TGFB2: variants seen among roughly 807,000 people sequenced by gnomAD.
TGFB2 encodes the protein transforming growth factor beta-2 proprotein.
A neutral mutation model predicts 42.7 loss-of-function variants in TGFB2; 13 were observed. That is an observed-to-expected ratio of 0.30 (90% CI 0.20 to 0.48). TGFB2 has a LOEUF of 0.48. TGFB2 is among the 20% of genes least tolerant of loss of function. TGFB2 has a pLI of 0.99. For synonymous variants in TGFB2, 193 were observed against 193.6 expected (o/e 1.00, Z 0.03); for missense variants, 390 against 517.5 (o/e 0.75, Z 2.39).
chr1:218,423,372 G>A (rs776040288), intron 2 of TGFB2, among the ~76,000 whole-genome samples: 16 of 152,114 alleles, frequency 1.1e-4, no homozygotes, highest in South Asian at 2.1e-4. Flanking sequence ...GCCACTATGC[G>A]CAAGGGACCA....
chr1:218,356,826 G>A (rs191736276), intron 1 of TGFB2, among the ~76,000 whole-genome samples: 109 of 152,250 alleles, frequency 7.2e-4, no homozygotes, highest in African/African-American at 2.5e-3. Context: ...TCTCACCTCC[G>A]CAACCAAGCA....
In TGFB2 at chr1:218,363,546, G is replaced by A. The variant is rs756160785; in HGVS notation, c.346+16499G>A. 4.6e-6 allele frequency: 4 copies of A among 871,900 alleles called. No individual in the cohort carries two copies. In the South Asian group the frequency reaches 5.2e-5, roughly 11 times the overall value. The allele number at this position is 871,900 out of a possible 1,614,324, so 54.0% of individuals were successfully genotyped here. A position where few individuals can be genotyped will look rare whatever the true frequency, so the allele number is the denominator to read the frequency against. Reference sequence around the variant, plus strand: ...CTGAAATGCAGCCTTGTACCTGAGCGATCACAAAGGTGCCTAGAATTTTTT... The same window carrying A: ...CTGAAATGCAGCCTTGTACCTGAGCAATCACAAAGGTGCCTAGAATTTTTT... On this transcript the variant is annotated intron_variant, in intron 1 of 6. Transcript: ENST00000366930.
chr1:218,416,290 T>A (rs1484155764), intron 2 of TGFB2, among the ~76,000 whole-genome samples: 2 of 150,188 alleles, frequency 1.3e-5, no homozygotes, highest in Non-Finnish European at 3.0e-5. Context: ...TTAATAAGGT[T>A]CCTTTTTTTT....
chr1:218,361,704 G>A (rs1657216729), intron 1 of TGFB2, among the ~76,000 whole-genome samples: 1 of 152,210 alleles, frequency 6.6e-6, no homozygotes, highest in African/African-American at 2.4e-5. Flanking sequence ...TTAAAGGTCA[G>A]ATACGAATGA....
intron 1 of TGFB2, among the ~76,000 whole-genome samples, chr1:218,379,359 C>T (rs1657878357): frequency 6.6e-6 from 1 of 151,904 alleles, no homozygotes; most frequent in Non-Finnish European, 1.5e-5. Flanking sequence ...TGGCCTCGAT[C>T]TCCTGACCTC....
intron 6 of TGFB2, among the ~76,000 whole-genome samples, chr1:218,440,604 T>G (rs1263590094): frequency 6.6e-6 from 1 of 152,230 alleles, no homozygotes; most frequent in African/African-American, 2.4e-5. Context: ...CAAAGGTAGA[T>G]TAAAGCTCTT....
At chr1:218,377,771 G>C (rs73110335) in intron 1 of TGFB2, among the ~76,000 whole-genome samples, 5,451 of 151,968 alleles carry the variant, frequency 0.036, 341 homozygotes, top group African/African-American at 0.12. Context: ...GCAGAAGCAG[G>C]ACAGATGCTT....
chr1:218,416,374 T>G (rs1659280583), intron 2 of TGFB2, among the ~76,000 whole-genome samples: 1 of 152,012 alleles, frequency 6.6e-6, no homozygotes, highest in Non-Finnish European at 1.5e-5. Context: ...CAAGGGAGCA[T>G]GCATGTTTTT....
chr1:218,440,404 G>C (rs189657933), intron 6 of TGFB2, among the ~76,000 whole-genome samples: 31 of 150,954 alleles, frequency 2.1e-4, no homozygotes, highest in Admixed American at 1.1e-3. Context: ...GACACTTAAC[G>C]TAGAAAGATT....
chr1:218,429,728 A>G (rs1300585404), intron 2 of TGFB2, among the ~76,000 whole-genome samples: 1 of 152,210 alleles, frequency 6.6e-6, no homozygotes, highest in African/African-American at 2.4e-5. Flanking sequence ...AGACTTTCCA[A>G]GACAGTCAAC....
chr1:218,368,226 C>T (rs1257399201), intron 1 of TGFB2, among the ~76,000 whole-genome samples: 1 of 152,132 alleles, frequency 6.6e-6, no homozygotes, highest in East Asian at 1.9e-4. Flanking sequence ...CTCACTGCGA[C>T]CTCCACCACC....
chr1:218,434,445 G>T lies in TGFB2; in HGVS notation c.751G>T (p.Ala251Ser), dbSNP rs769911912. Reference sequence around the variant, plus strand: ...AAGTGAAGAACTAGAAGCAAGATTTGCAGGTAACCAAAACTTGGTCATATG... The same window carrying T: ...AAGTGAAGAACTAGAAGCAAGATTTTCAGGTAACCAAAACTTGGTCATATG... ...NKSEELEARF[A>S]GIDGTSTYTS... The change falls in exon 4 of 7, where the codon GCA becomes TCA. Residue 251 changes from alanine (A) to serine (S), a missense_variant. Coordinates refer to ENST00000366930, the MANE Select transcript of TGFB2 (RefSeq NM_003238.6). 6.8e-6 allele frequency: 11 copies of T among 1,607,584 alleles called. No homozygotes were observed. In the South Asian group the frequency reaches 7.7e-5, roughly 11 times the overall value.
At chr1:218,422,671 C>A (rs777374460) in intron 2 of TGFB2, among the ~76,000 whole-genome samples, 9 of 152,086 alleles carry the variant, frequency 5.9e-5, no homozygotes, top group Admixed American at 5.2e-4. Flanking sequence ...GGATAGATGC[C>A]CTGCCTGTAA....
chr1:218,420,012 A>T (rs1162339206), intron 2 of TGFB2, among the ~76,000 whole-genome samples: 1 of 152,214 alleles, frequency 6.6e-6, no homozygotes, highest in Non-Finnish European at 1.5e-5. Context: ...TACAGGCCAC[A>T]TATGTTATAG....
chr1:218,436,679 T>A (rs1659981706), intron 5 of TGFB2, among the ~76,000 whole-genome samples: 1 of 152,224 alleles, frequency 6.6e-6, no homozygotes, highest in African/African-American at 2.4e-5. Flanking sequence ...ATGTGAATGT[T>A]CTTATGTGGT....
Position 218,346,956 on chromosome 1 carries a change from G to A in TGFB2, c.255G>A (p.Arg85=). 2 of 1,613,986 alleles carry A rather than the reference G, an allele frequency of 1.2e-6. No individual in the cohort carries two copies. The highest frequency in any genetic ancestry group is 1.7e-6 in the Non-Finnish European group (2 of 1,179,936). Residue 85 remains arginine (R), a synonymous_variant, in exon 1 of 7, where the codon AGG becomes AGA. Coordinates refer to ENST00000366930, the MANE Select transcript of TGFB2 (RefSeq NM_003238.6). This position sits in a 1 kb window ranked among gnomAD's most constrained non-coding sequence, Gnocchi z 4.9. ...TGCTCCAGGAGAAGGCGAGCCGGAG[G>A]GCGGCCGCCTGCGAGCGCGAGAGGA... ...RDLLQEKASR[R]AAACERERSD... is the part of the protein sequence containing the mutation.
Position 218,425,276 on chromosome 1 carries a change from C to T in TGFB2, c.511-8806C>T, listed in dbSNP as rs141455802. ...AGGCTGGAGTGCAGTGGTGTGTTCTCGGCTCACCACAAGCTCCGTCTCCTG... is the reference window on the plus strand; with the variant it reads ...AGGCTGGAGTGCAGTGGTGTGTTCTTGGCTCACCACAAGCTCCGTCTCCTG... On this transcript the variant is annotated intron_variant, in intron 2 of 6. Transcript: ENST00000366930. 4.7e-3 allele frequency among the ~76,000 whole-genome samples: 710 copies of T among 152,184 alleles called. 12 individuals carry two copies. Among genetic ancestry groups the T allele is most frequent in the African/African-American group, 0.016 (681 of 41,520 alleles).
intron 1 of TGFB2, among the ~76,000 whole-genome samples, chr1:218,347,656 T>TAGC (rs1360913402): frequency 1.3e-5 from 2 of 152,186 alleles, no homozygotes; most frequent in East Asian, 3.8e-4. Flanking sequence ...ATGTATCATT[T>TAGC]GCTATCACTA....
chr1:218,436,060 T>A lies in TGFB2; in HGVS notation c.845T>A (p.Leu282Gln). 6.2e-7 allele frequency: 1 copy of A among 1,614,170 alleles called. No homozygotes were observed. The highest frequency in any genetic ancestry group is 8.5e-7 in the Non-Finnish European group (1 of 1,179,984). ...KKNSGKTPHL[L>Q]LMLLPSYRLE... ...AACAGTGGGAAGACCCCACATCTCC[T>A]GCTAATGTTATTGCCCTCCTACAGA... The change falls in exon 5 of 7, where the codon CTG becomes CAG. Residue 282 changes from leucine to glutamine, a missense_variant. By Grantham distance (113) the Leu-to-Gln change is moderately radical. Coordinates refer to ENST00000366930, the MANE Select transcript of TGFB2 (RefSeq NM_003238.6).
Sources: gnomAD v4.1 joint callset for allele counts (sites outside exome capture counted in the v4.1 genomes callset) on GRCh38, gnomAD v4.1.1 for gene constraint, Gnocchi (gnomAD v3.1) non-coding constraint, MANE v1.5 for transcripts, NCBI Gene and HGNC (gene_info 2026-07-23, HGNC 2026-07-21) for gene names.